The following PTPRD variants were observed in gnomAD, a reference collection of about 807,000 sequenced individuals.
The protein encoded by PTPRD is protein tyrosine phosphatase receptor type D, also known as receptor-type tyrosine-protein phosphatase delta.
PTPRD carries 34 observed loss-of-function variants against 214.5 expected under a neutral mutation model. The observed-to-expected ratio is 0.16, with a 90% CI of 0.12 to 0.21. The LOEUF is 0.21. Among genes scored for constraint, PTPRD ranks in the 10% least tolerant of loss-of-function variants. The pLI, the probability that PTPRD is intolerant of heterozygous loss-of-function variation, is 1.00. For missense variants in PTPRD, 2,545 were observed against 2,398.7 expected (o/e 1.06, Z -1.27); for synonymous variants, 1,128 against 845.7 (o/e 1.33, Z -5.79).
At chr9:10,387,365 C>T (rs2097936755) in intron 2 of PTPRD, among the ~76,000 whole-genome samples, 2 of 151,842 alleles carry the variant, frequency 1.3e-5, no homozygotes, top group Non-Finnish European at 2.9e-5. Flanking sequence ...TTAGGCACTA[C>T]AACTAAGTAC....
At chr9:8,814,235 G>A (rs767278271) in intron 11 of PTPRD, among the ~76,000 whole-genome samples, 1 of 152,144 alleles carries the variant, frequency 6.6e-6, no homozygotes, top group Non-Finnish European at 1.5e-5. Flanking sequence ...GAAAGTCAAG[G>A]CTAAAAGTAA....
At chr9:9,461,286 C>G (rs1417843360) in intron 8 of PTPRD, among the ~76,000 whole-genome samples, 1 of 151,842 alleles carries the variant, frequency 6.6e-6, no homozygotes, top group Middle Eastern at 3.2e-3. Context: ...CACAATATAC[C>G]CATGTAACAT....
rs1230116993 is a variant in PTPRD at position 9,365,061 on chromosome 9, G to A, written c.-203+32388C>T. Among the ~76,000 whole-genome samples, 4 of 151,414 alleles carry A rather than the reference G, an allele frequency of 2.6e-5. 1 individual carries two copies. The highest frequency in any genetic ancestry group is 3.9e-4 in the East Asian group (2 of 5,128). On this transcript the variant is annotated intron_variant, in intron 9 of 45. Coordinates refer to ENST00000381196, the MANE Select transcript of PTPRD (RefSeq NM_002839.4). ...TGACTCCCATCTTACCTGAGAAACT[G>A]GAAACATGTCACCGTCATACCCTGT...
chr9:10,230,938 T>G (rs1057245502), intron 3 of PTPRD, among the ~76,000 whole-genome samples: 1 of 151,982 alleles, frequency 6.6e-6, no homozygotes, highest in Non-Finnish European at 1.5e-5. Flanking sequence ...CGTACATTGG[T>G]AGATTATTGA....
chr9:8,338,788 C>A (rs1183283248), intron 43 of PTPRD, 134 bp downstream of exon 43: 12 of 742,350 alleles, frequency 1.6e-5, no homozygotes, highest in Middle Eastern at 3.7e-4. Flanking sequence ...TAAAAAAAAA[C>A]GTTCTCCAGA....
intron 3 of PTPRD, among the ~76,000 whole-genome samples, chr9:10,077,833 T>C (rs118153005): frequency 0.2 from 28,802 of 143,262 alleles, 3,288 homozygotes; most frequent in South Asian, 0.3. Context: ...GATCTCTCTT[T>C]TTTTTTTTTT....
chr9:9,487,549 G>T (rs1246784809), intron 8 of PTPRD, among the ~76,000 whole-genome samples: 4 of 135,636 alleles, frequency 2.9e-5, no homozygotes, highest in Non-Finnish European at 6.3e-5. Flanking sequence ...ATAGCAGCAT[G>T]ATTCATTTTC....
At chr9:9,879,823 C>A (rs1458826202) in intron 5 of PTPRD, among the ~76,000 whole-genome samples, 2 of 152,134 alleles carry the variant, frequency 1.3e-5, no homozygotes, top group Non-Finnish European at 2.9e-5. Context: ...TGAAGAACAG[C>A]TTGAATTTCC....
chr9:9,613,135 CATATATATATATATATAT>C lies in PTPRD; in HGVS notation c.-286-38372_-286-38355del, dbSNP rs67735335. Reference sequence around the variant, plus strand: ...AGCTAGGCTGCAGTATACATACATACATATATATATATATATATATATATATATATATATATATGATTG... The same window carrying C: ...AGCTAGGCTGCAGTATACATACATACATATATATATATATATATATGATTG... On this transcript the variant is annotated intron_variant, in intron 7 of 45. Coordinates refer to ENST00000381196, the MANE Select transcript of PTPRD (RefSeq NM_002839.4). Among the ~76,000 whole-genome samples the C allele has an allele frequency of 4.2e-5, 2 of 47,926 alleles. 1 individual carries two copies. The highest frequency in any genetic ancestry group is 1.7e-4 in the African/African-American group (2 of 11,462). The allele number at this position is 47,926 out of a possible 152,430, so 31.4% of individuals were successfully genotyped here. A position where few individuals can be genotyped will look rare whatever the true frequency, so the allele number is the denominator to read the frequency against.
At chr9:9,560,606 G>A (rs1279836080) in intron 8 of PTPRD, among the ~76,000 whole-genome samples, 1 of 152,192 alleles carries the variant, frequency 6.6e-6, no homozygotes, top group African/African-American at 2.4e-5. Flanking sequence ...AGCCTCAGGG[G>A]CTGAAGACCC....
intron 9 of PTPRD, among the ~76,000 whole-genome samples, chr9:9,264,376 C>T (rs539762780): frequency 6.6e-6 from 1 of 151,408 alleles, no homozygotes; most frequent in South Asian, 2.1e-4. Context: ...CTGAAGAATA[C>T]CAGGATTGAA....
intron 3 of PTPRD, among the ~76,000 whole-genome samples, chr9:10,082,472 A>T (rs2098256263): frequency 6.6e-6 from 1 of 152,090 alleles, no homozygotes. Context: ...ATATGGCTAC[A>T]GGATTTGACA....
chr9:9,392,715 T>C (rs889782040), intron 9 of PTPRD, among the ~76,000 whole-genome samples: 3 of 152,192 alleles, frequency 2.0e-5, no homozygotes, highest in Admixed American at 2.0e-4. Flanking sequence ...CATTTCTTCT[T>C]GGCTACATAG....
At chr9:8,904,478 C>T (rs991114224) in intron 11 of PTPRD, among the ~76,000 whole-genome samples, 1 of 152,018 alleles carries the variant, frequency 6.6e-6, no homozygotes, top group Non-Finnish European at 1.5e-5. Context: ...TCGAGACCAG[C>T]CTGGCCAACA....
intron 3 of PTPRD, among the ~76,000 whole-genome samples, chr9:10,183,876 G>T (rs1023859785): frequency 6.6e-6 from 1 of 152,138 alleles, no homozygotes; most frequent in Non-Finnish European, 1.5e-5. Context: ...ACAAAGGAGA[G>T]ATAACTATTA....
chr9:10,154,962 T>A (rs2099084369), intron 3 of PTPRD, among the ~76,000 whole-genome samples: 1 of 152,040 alleles, frequency 6.6e-6, no homozygotes, highest in Non-Finnish European at 1.5e-5. Flanking sequence ...ATTTACTTTT[T>A]GTTTTTCTAG....
intron 14 of PTPRD, among the ~76,000 whole-genome samples, chr9:8,592,889 C>A (rs980957928): frequency 4.6e-5 from 7 of 152,124 alleles, no homozygotes; most frequent in Non-Finnish European, 1.0e-4. Context: ...TAAGTTGAAT[C>A]GTGAAGGATA....
chr9:10,502,253 G>A (rs999793929), intron 2 of PTPRD, among the ~76,000 whole-genome samples: 2 of 151,254 alleles, frequency 1.3e-5, no homozygotes, highest in Admixed American at 1.3e-4. Context: ...AAAATTAAAA[G>A]GAATTAAGAC....
intron 5 of PTPRD, among the ~76,000 whole-genome samples, chr9:9,778,734 C>T (rs369863355): frequency 5.9e-5 from 9 of 152,134 alleles, no homozygotes; most frequent in African/African-American, 2.2e-4. Context: ...ATCAGATCCC[C>T]AAATACAGCT....
Sources: allele counts gnomAD v4.1 joint callset (sites outside exome capture counted in the v4.1 genomes callset), GRCh38; gene constraint gnomAD v4.1.1; transcripts MANE v1.5; gene names NCBI Gene and HGNC (gene_info 2026-07-23, HGNC 2026-07-21).